KRT26: variants seen among roughly 807,000 people sequenced by gnomAD.
KRT26 encodes keratin, type I cytoskeletal 26.
A neutral mutation model predicts 46.1 loss-of-function variants in KRT26; 45 were observed. The ratio of observed to expected loss-of-function variants is 0.98; its 90% CI spans 0.77 to 1.25. The LOEUF is 1.25. Ranked by LOEUF, KRT26 falls within the 50% of genes most tolerant of loss-of-function variation. The pLI is 0.00. For missense variants in KRT26, 582 were observed against 560.1 expected, an observed-to-expected ratio of 1.04 and a Z score of -0.39; for synonymous variants, 191 against 209.9, an observed-to-expected ratio of 0.91 and a Z score of 0.78.
rs761755744 is a variant in KRT26 at position 40,771,812 on chromosome 17, A to G, written c.302T>C (p.Val101Ala). The change falls in exon 1 of 8, where the codon GTG (valine) becomes GCG (alanine). Residue 101 changes from valine to alanine, a missense_variant. Val to Ala is a moderately conservative substitution (Grantham distance 64). Transcript: ENST00000335552. ...TGCGTTGGCCTCCTCTAGAGCATGC[A>G]CATGGTCCAGGTAGGATGCCAGGCG... 1.4e-5 allele frequency: 22 copies of G among 1,614,064 alleles called. No homozygotes were observed. Among genetic ancestry groups the G allele is most frequent in the Non-Finnish European group, 1.7e-5 (20 of 1,180,036 alleles).
exon 5 of KRT26, chr17:40,769,870 G>T (rs368488897): frequency 6.2e-7 from 1 of 1,614,204 alleles, no homozygotes; most frequent in South Asian, 1.1e-5. Flanking sequence ...TGTTGTTGCA[G>T]CGTTGCACTC....
chr17:40,769,292 G>T (rs1193883327), intron 5 of KRT26, among the ~76,000 whole-genome samples, 196 bp from the exon 6 acceptor site: 1 of 152,070 alleles, frequency 6.6e-6, no homozygotes, highest in African/African-American at 2.4e-5. Flanking sequence ...GAGTATGTGG[G>T]ATTACAGGTA....
chr17:40,769,906 G>C, intron 4 of KRT26, 27 bp from the exon 5 acceptor site: 1 of 1,614,212 alleles, frequency 6.2e-7, no homozygotes, highest in Non-Finnish European at 8.5e-7. Context: ...GAAAGGGTTA[G>C]TGACTGGCCT....
intron 5 of KRT26, among the ~76,000 whole-genome samples, chr17:40,769,407 G>A (rs573173737): frequency 1.6e-4 from 24 of 152,180 alleles, no homozygotes; most frequent in East Asian, 3.9e-4. Context: ...TCCACCTGCC[G>A]TGGCCTCCCA....
exon 1 of KRT26, chr17:40,771,761 C>A (rs753879420): frequency 9.3e-6 from 15 of 1,614,152 alleles, no homozygotes; most frequent in Non-Finnish European, 1.0e-5. Context: ...TTTCTCGTAC[C>A]AGCCCTTGAT....
At chr17:40,769,671 C>T (rs2038202475) in intron 5 of KRT26, 83 bp downstream of exon 5, 7 of 1,379,800 alleles carry the variant, frequency 5.1e-6, no homozygotes, top group Non-Finnish European at 7.2e-6. Flanking sequence ...GTTATACGTA[C>T]TTGGTGTTAT....
At chr17:40,770,050 G>A (rs2038208071) in exon 4 of KRT26, 1 of 1,613,956 alleles carries the variant, frequency 6.2e-7, no homozygotes, top group Admixed American at 1.7e-5. Flanking sequence ...AGGACAGTTA[G>A]GTCCACTCCT....
At chr17:40,766,568 A>G in exon 8 of KRT26, 4 of 1,613,716 alleles carry the variant, frequency 2.5e-6, no homozygotes, top group Non-Finnish European at 3.4e-6. Flanking sequence ...CTTATTTTAG[A>G]GGACTTTTCT....
In KRT26 at chr17:40,771,110, T is replaced by C. The variant is rs1160861575; in HGVS notation, c.524+44A>G. 9 of 1,162,028 alleles carry C rather than the reference T, an allele frequency of 7.7e-6. No individual in the cohort carries two copies. The South Asian group carries it at 1.4e-4, about 18-fold the overall frequency. The allele number at this position is 1,162,028 out of a possible 1,614,324, so 72.0% of individuals were successfully genotyped here. A position where few individuals can be genotyped will look rare whatever the true frequency, so the allele number is the denominator to read the frequency against. On this transcript the variant is annotated intron_variant, in intron 2 of 7. Coordinates refer to ENST00000335552, the Ensembl canonical transcript of KRT26. ...TATATTCCTTAATCCAATTGTAATA[T>C]TTTAACTTTTATTAATATAATTAAT...
chr17:40,768,307 AGACTTGTTACAAGTAT>A (rs1234865691), intron 6 of KRT26, among the ~76,000 whole-genome samples: 25 of 152,252 alleles, frequency 1.6e-4, no homozygotes, highest in Admixed American at 1.1e-3. Flanking sequence ...ATTATAGTTA[AGACTTGTTACAAGTAT>A]GGTTTTGGCT....
Position 40,769,907 on chromosome 17 carries a change from T to G in KRT26, c.844-28A>C, listed in dbSNP as rs201131898. The stretch of plus-strand genomic sequence containing the variant: ...GAAGTGTAATTGTCGAAAGGGTTAG[T>G]GACTGGCCTGATTGTCTCCTGAGCA... On this transcript the variant is annotated intron_variant, in intron 4 of 7. Transcript: ENST00000335552. 92 of 1,614,170 alleles carry G rather than the reference T, an allele frequency of 5.7e-5. 1 individual carries two copies. In the African/African-American group the frequency reaches 1.1e-3, roughly 20 times the overall value.
rs754799336 is a variant in KRT26, at chr17:40,768,871, A to G, written c.1187+8T>C. On this transcript the variant is annotated splice_region_variant and intron_variant, in intron 6 of 7. Transcript: ENST00000335552. The stretch of plus-strand genomic sequence containing the variant: ...GGTTTTTTTTTTTTTTTGCAAGTTA[A>G]TCTTTACCTTTCTTCTCCATCTAGT... 2 of 1,438,272 alleles carry G rather than the reference A, an allele frequency of 1.4e-6. No homozygotes were observed. Among genetic ancestry groups the G allele is most frequent in the African/African-American group, 1.4e-5 (1 of 69,094 alleles). 89.1% of individuals were successfully genotyped at this position (1,438,272 alleles called of 1,614,324 possible).
At chr17:40,766,605 G>A (rs754187308) in exon 8 of KRT26, 10 of 1,612,950 alleles carry the variant, frequency 6.2e-6, no homozygotes, top group Non-Finnish European at 8.5e-7. Flanking sequence ...TCAGTGAAAG[G>A]AGATTGCCAA....
At chr17:40,771,829 T>A (rs752983106) in exon 1 of KRT26, 1 of 1,613,194 alleles carries the variant, frequency 6.2e-7, no homozygotes, top group Non-Finnish European at 8.5e-7. Context: ...CCAGGTAGGA[T>A]GCCAGGCGGT....
At chr17:40,766,724 A>G (rs1242737361) in intron 7 of KRT26, 58 bp from the exon 8 acceptor site, 4 of 1,242,782 alleles carry the variant, frequency 3.2e-6, no homozygotes, top group African/African-American at 3.0e-5. Context: ...AAAAGTAGCC[A>G]TAATAGGTAT....
rs752983106 is a variant in KRT26 at position 40,771,829 on chromosome 17, T to C, written c.285A>G (p.Ala95=). Residue 95 remains alanine, a synonymous_variant, in exon 1 of 8, where the codon GCA becomes GCG. Transcript: ENST00000335552. ...GAGCATGCACATGGTCCAGGTAGGA[T>C]GCCAGGCGGTCGTTGAGATTCTGCA... The C allele has an allele frequency of 1.2e-5, 19 of 1,613,194 alleles. No homozygotes were observed. In the South Asian group the frequency reaches 2.0e-4, roughly 17 times the overall value.
At chr17:40,771,724 G>T (rs776132965) in exon 1 of KRT26, 4 of 1,614,106 alleles carry the variant, frequency 2.5e-6, no homozygotes, top group Non-Finnish European at 3.4e-6. Context: ...AGTCATGATC[G>T]TGTTCCCGGG....
At chr17:40,767,275 C>T (rs1348650334) in intron 7 of KRT26, among the ~76,000 whole-genome samples, 1 of 152,064 alleles carries the variant, frequency 6.6e-6, no homozygotes, top group Non-Finnish European at 1.5e-5. Context: ...CCAACTTGCC[C>T]GATTTTTGTG....
chr17:40,766,470 CTCTCTCTCTCTTTCTTTCTT>C, exon 8 of KRT26: 1 of 1,325,622 alleles, frequency 7.5e-7, no homozygotes, highest in Non-Finnish European at 1.0e-6. Flanking sequence ...CTTTCTTTCT[CTCTCTCTCTCTTTCTTTCTT>C]TCTTTCCAAA....
Sources: allele counts gnomAD v4.1 joint callset (sites outside exome capture counted in the v4.1 genomes callset), GRCh38; gene constraint gnomAD v4.1.1; transcripts MANE v1.5; gene names NCBI Gene and HGNC (gene_info 2026-07-23, HGNC 2026-07-21).